GLMN: variants seen among roughly 807,000 people sequenced by gnomAD.
GLMN encodes glomulin.
Under a neutral mutation model 87.8 loss-of-function variants are expected in GLMN, and 75 were observed. That is an observed-to-expected ratio of 0.85 (90% CI 0.71 to 1.04). The LOEUF is 1.04. Among genes scored for constraint, GLMN ranks in the 50% least tolerant of loss-of-function variants. The pLI, the probability that GLMN is intolerant of heterozygous loss-of-function variation, is 0.00. For missense variants in GLMN, 588 were observed against 658.8 expected, an observed-to-expected ratio of 0.89 and a Z score of 1.18; for synonymous variants, 206 against 221.6, an observed-to-expected ratio of 0.93 and a Z score of 0.63.
intron 2 of GLMN, 142 bp from the exon 3 acceptor site, chr1:92,297,671 T>C (rs1650276622): frequency 2.7e-6 from 2 of 744,378 alleles, no homozygotes; most frequent in Admixed American, 2.7e-5. Flanking sequence ...ATAACACACG[T>C]ATCAAAATTA....
At position 92,271,656 on chromosome 1, in the gene GLMN, T is replaced by C. The variant is rs112510872; in HGVS notation, c.736-4A>G. On this transcript the variant is annotated splice_polypyrimidine_tract_variant and splice_region_variant and intron_variant, in intron 7 of 18. Coordinates refer to ENST00000370360, the MANE Select transcript of GLMN (RefSeq NM_053274.3). Reference sequence around the variant, plus strand: ...GTCCAATTGCTGATAAAAAACCCTATGAAATGGATAAAAAAGGAAACCATA... The same window carrying C: ...GTCCAATTGCTGATAAAAAACCCTACGAAATGGATAAAAAAGGAAACCATA... 5 of 1,603,930 alleles carry C rather than the reference T, an allele frequency of 3.1e-6. No individual in the cohort carries two copies. Among genetic ancestry groups the C allele is most frequent in the Middle Eastern group, 1.6e-4 (1 of 6,068 alleles).
chr1:92,349,031 A>G, the GLMN span, among the ~76,000 whole-genome samples: 4 of 152,366 alleles, frequency 2.6e-5, no homozygotes, highest in African/African-American at 9.6e-5. Context: ...CCCACCTTTC[A>G]GCCTTTTAGC....
intron 16 of GLMN, among the ~76,000 whole-genome samples, chr1:92,259,249 T>A (rs1654678671): frequency 6.6e-6 from 1 of 152,180 alleles, no homozygotes; most frequent in Non-Finnish European, 1.5e-5. Flanking sequence ...CTAATAATTA[T>A]TTAAAGATAC....
the GLMN span, chr1:92,324,473 T>C: frequency 1.1e-6 from 1 of 925,018 alleles, no homozygotes; most frequent in East Asian, 2.6e-5. Context: ...GAGTTAATTG[T>C]TAAATTTTCA....
chr1:92,323,050 T>TTA, the GLMN span, among the ~76,000 whole-genome samples: 1 of 146,436 alleles, frequency 6.8e-6, no homozygotes, highest in African/African-American at 2.5e-5. Context: ...ATCTTTATAT[T>TTA]TATATATATA....
the GLMN span, among the ~76,000 whole-genome samples, chr1:92,341,422 G>C: frequency 6.6e-6 from 1 of 152,026 alleles, no homozygotes; most frequent in African/African-American, 2.4e-5. Context: ...AATTATTTTG[G>C]CTCAACAATA....
At chr1:92,342,497 G>A in the GLMN span, among the ~76,000 whole-genome samples, 1 of 152,166 alleles carries the variant, frequency 6.6e-6, no homozygotes, top group Non-Finnish European at 1.5e-5. Flanking sequence ...GAGTGAGATG[G>A]AGGGTAATTG....
chr1:92,362,488 G>T, the GLMN span, among the ~76,000 whole-genome samples: 4 of 152,114 alleles, frequency 2.6e-5, no homozygotes, highest in South Asian at 2.1e-4. Flanking sequence ...CCCACCATTC[G>T]CTTTGAATGA....
intron 16 of GLMN, among the ~76,000 whole-genome samples, chr1:92,253,960 CA>C (rs2100807689): frequency 6.6e-6 from 1 of 152,254 alleles, no homozygotes; most frequent in Admixed American, 6.5e-5. Flanking sequence ...TGAGTAATAA[CA>C]AACTCCTCCA....
chr1:92,277,945 C>G (rs543972975), intron 7 of GLMN, among the ~76,000 whole-genome samples: 2 of 152,232 alleles, frequency 1.3e-5, no homozygotes, highest in South Asian at 2.1e-4. Flanking sequence ...GTAAAACATC[C>G]TAGGGCTTGA....
chr1:92,300,496 G>A (rs749519155), upstream of GLMN, among the ~76,000 whole-genome samples: 23 of 152,112 alleles, frequency 1.5e-4, no homozygotes, highest in Admixed American at 3.9e-4. Context: ...GTTTTTCACC[G>A]CTTCAGGTAC....
At chr1:92,299,222 C>G (rs1650588962), upstream of GLMN, 2 of 921,030 alleles carry the variant, frequency 2.2e-6, no homozygotes, top group Non-Finnish European at 3.1e-6. Flanking sequence ...CCGCAGCGCG[C>G]GGGCGCTCCT....
intron 7 of GLMN, among the ~76,000 whole-genome samples, chr1:92,283,331 A>C (rs1648314113): frequency 6.6e-6 from 1 of 152,198 alleles, no homozygotes; most frequent in South Asian, 2.1e-4. Flanking sequence ...AAATCAATAA[A>C]CGTAATCTAT....
the GLMN span, among the ~76,000 whole-genome samples, chr1:92,337,407 T>C: frequency 6.6e-6 from 1 of 152,116 alleles, no homozygotes. Context: ...CCAAAAGTAA[T>C]TCAGGAAAAA....
At chr1:92,268,625 G>A (rs3103181) in intron 9 of GLMN, among the ~76,000 whole-genome samples, 71,785 of 151,960 alleles carry the variant, frequency 0.47, 17,987 homozygotes, top group East Asian at 0.96. Flanking sequence ...ACATAATACA[G>A]CAAATTTACA....
At position 92,247,101 on chromosome 1, in the gene GLMN, T is replaced by C. The variant is rs1570808173; in HGVS notation, c.1629A>G (p.Gly543=). Residue 543 remains glycine (G), a synonymous_variant, in exon 18 of 19, where the codon GGA becomes GGG. Coordinates refer to ENST00000370360, the MANE Select transcript of GLMN (RefSeq NM_053274.3). ...CAGGAGGCATATTAGGGATCTCTTC[T>C]CCACTTACAGTTATAGAACAAAGAT... is the stretch of plus-strand genomic sequence containing the variant. The part of the protein sequence containing the change: ...SKDLCSITVS[G]EEIPNMPPEM... 2 of 1,580,364 alleles carry C rather than the reference T, an allele frequency of 1.3e-6. No individual in the cohort carries two copies. Among genetic ancestry groups the C allele is most frequent in the Non-Finnish European group, 1.7e-6 (2 of 1,150,238 alleles).
chr1:92,306,329 C>G, the GLMN span, among the ~76,000 whole-genome samples: 3 of 152,054 alleles, frequency 2.0e-5, no homozygotes, highest in African/African-American at 7.3e-5. Flanking sequence ...TACCACTGTG[C>G]TATATACTTA....
At chr1:92,310,653 T>C in the GLMN span, among the ~76,000 whole-genome samples, 1 of 152,104 alleles carries the variant, frequency 6.6e-6, no homozygotes, top group Admixed American at 6.6e-5. Context: ...ATCCCAGCAT[T>C]TGGGAGGCCG....
chr1:92,370,452 C>T, the GLMN span, among the ~76,000 whole-genome samples: 28 of 152,220 alleles, frequency 1.8e-4, no homozygotes, highest in East Asian at 4.6e-3. Context: ...CAAGAGCTTT[C>T]GTACCCCCCC....
Sources: allele counts gnomAD v4.1 joint callset (sites outside exome capture counted in the v4.1 genomes callset), GRCh38; gene constraint gnomAD v4.1.1; transcripts MANE v1.5; gene names NCBI Gene and HGNC (gene_info 2026-07-23, HGNC 2026-07-21).